Variants in MAP2K2 observed in about 807,000 individuals in gnomAD.
The protein encoded by MAP2K2 is mitogen-activated protein kinase kinase 2.
MAP2K2 carries 24 observed loss-of-function variants against 43.7 expected under a neutral mutation model. The ratio of observed to expected loss-of-function variants is 0.55; its 90% CI spans 0.40 to 0.77. The LOEUF (loss-of-function observed/expected upper bound fraction) is 0.77, where lower values mean the gene tolerates loss of function less well. MAP2K2 is among the 30% of genes least tolerant of loss of function. The pLI, the probability that MAP2K2 is intolerant of heterozygous loss-of-function variation, is 0.00. For synonymous variants in MAP2K2, 244 were observed against 239.7 expected (o/e 1.02, Z -0.17); for missense variants, 470 against 566.8 (o/e 0.83, Z 1.73).
intron 2 of MAP2K2, among the ~76,000 whole-genome samples, chr19:4,112,323 TGCCTGGGGA>T (rs1388274737): frequency 4.6e-5 from 7 of 152,108 alleles, no homozygotes. Context: ...TCAACCCAGG[TGCCTGGGGA>T]GCAGCAACAA....
intron 9 of MAP2K2, chr19:4,095,092 C>A: frequency 2.5e-6 from 1 of 405,182 alleles, no homozygotes; most frequent in Non-Finnish European, 4.6e-6. Flanking sequence ...ACCAGGGGTC[C>A]GGGGACCAGA....
intron 2 of MAP2K2, among the ~76,000 whole-genome samples, chr19:4,112,434 C>T (rs570094623): frequency 5.9e-3 from 904 of 152,342 alleles, no homozygotes; most frequent in Middle Eastern, 0.014. Flanking sequence ...GACAAAGAGC[C>T]GCCTGTCAGC....
At chr19:4,113,152 A>C (rs989555708) in intron 2 of MAP2K2, among the ~76,000 whole-genome samples, 1 of 152,018 alleles carries the variant, frequency 6.6e-6, no homozygotes, top group Admixed American at 6.6e-5. Context: ...AATTTAGGAG[A>C]GGAAGTGGCG....
intron 3 of MAP2K2, among the ~76,000 whole-genome samples, chr19:4,107,403 A>T (rs1047516448): frequency 1.2e-4 from 18 of 151,642 alleles, no homozygotes; most frequent in Non-Finnish European, 2.2e-4. Flanking sequence ...GGGCGCCTGT[A>T]GTCCCAGCTA....
At chr19:4,094,068 A>C (rs2289860) in intron 10 of MAP2K2, among the ~76,000 whole-genome samples, 6,033 of 152,266 alleles carry the variant, frequency 0.04, 146 homozygotes, top group East Asian at 0.12. Context: ...GCCAGTGTGC[A>C]GAACAGGGAT....
intron 2 of MAP2K2, among the ~76,000 whole-genome samples, chr19:4,112,511 A>G (rs2041166567): frequency 6.6e-6 from 1 of 152,206 alleles, no homozygotes; most frequent in African/African-American, 2.4e-5. Flanking sequence ...TGGCCACAGC[A>G]CAGGGCGTGT....
intron 3 of MAP2K2, among the ~76,000 whole-genome samples, chr19:4,107,232 CA>C (rs1038982132): frequency 6.6e-6 from 1 of 151,244 alleles, no homozygotes; most frequent in African/African-American, 2.4e-5. Flanking sequence ...CCCATATCTA[CA>C]AAAAAACTTG....
intron 3 of MAP2K2, among the ~76,000 whole-genome samples, chr19:4,108,098 G>A (rs539194096): frequency 3.9e-5 from 6 of 152,318 alleles, no homozygotes; most frequent in South Asian, 2.1e-4. Flanking sequence ...GGTGAATTCC[G>A]AGAGCATCGT....
chr19:4,094,923 G>T (rs886477561), intron 9 of MAP2K2: 1 of 365,596 alleles, frequency 2.7e-6, no homozygotes, highest in Non-Finnish European at 5.1e-6. Flanking sequence ...GGCCCTGTGG[G>T]CAGCGGGGTG....
rs772139417 is a variant in MAP2K2 at position 4,101,255 on chromosome 19, C to T, written c.554G>A (p.Arg185Gln). Residue 185 changes from arginine (R) to glutamine (Q), a missense_variant, in exon 5 of 11, where the codon CGA (arginine) becomes CAA (glutamine). Transcript: ENST00000262948. The surrounding 1 kb of genome is among the most constrained non-coding windows in gnomAD (Gnocchi z 6.3). Reference protein sequence around the residue: ...IAVLRGLAYLREKHQIMHRDV... With the variant: ...IAVLRGLAYLQEKHQIMHRDV... ...TCGGTGCATGATCTGGTGCTTCTCTCGGAGGTACGCCAAGCCCCGGAGAAC... is the reference window on the plus strand; with the variant it reads ...TCGGTGCATGATCTGGTGCTTCTCTTGGAGGTACGCCAAGCCCCGGAGAAC... 1.1e-5 allele frequency: 17 copies of T among 1,585,544 alleles called. No individual in the cohort carries two copies. The highest frequency in any genetic ancestry group is 1.8e-5 in the Admixed American group (1 of 55,312).
chr19:4,123,617 G>GCACCCCTCGCCCCA lies in MAP2K2; in HGVS notation c.92+166_92+167insTGGGGCGAGGGGTG, dbSNP rs1568266709. 1.2e-3 allele frequency among the ~76,000 whole-genome samples: 35 copies of GCACCCCTCGCCCCA among 28,288 alleles called. 2 individuals are homozygous for GCACCCCTCGCCCCA. Among genetic ancestry groups the GCACCCCTCGCCCCA allele is most frequent in the Middle Eastern group, 0.023 (1 of 44 alleles). The allele number at this position is 28,288 out of a possible 152,430, so 18.6% of individuals were successfully genotyped here. A position where few individuals can be genotyped will look rare whatever the true frequency, so the allele number is the denominator to read the frequency against. On this transcript the variant is annotated intron_variant, in intron 1 of 10. Transcript: ENST00000262948. ...TCCTCCCCCGAGGGTCCCCTGCCCTGTCCTCCCCTCGAGAACCCCCTGCCC... is the reference window on the plus strand; with the variant it reads ...TCCTCCCCCGAGGGTCCCCTGCCCTGCACCCCTCGCCCCATCCTCCCCTCGAGAACCCCCTGCCC...
In MAP2K2 at chr19:4,101,436, G is replaced by A. The variant is rs956356672; in HGVS notation, c.529-156C>T. On this transcript the variant is annotated intron_variant, in intron 4 of 10. Coordinates refer to ENST00000262948, the MANE Select transcript of MAP2K2 (RefSeq NM_030662.4). This position sits in a 1 kb window ranked among gnomAD's most constrained non-coding sequence, Gnocchi z 6.3. ...AGGAGCTCGCTGGGGTGGAGCAAGC[G>A]AGGCCAGAGACGAGACAGTGCTGAC... Among the ~76,000 whole-genome samples, 11 of 152,298 alleles carry A rather than the reference G, an allele frequency of 7.2e-5. No individual in the cohort carries two copies. In the East Asian group the frequency reaches 1.9e-3, roughly 27 times the overall value.
intron 3 of MAP2K2, chr19:4,103,055 C>T: frequency 1.9e-6 from 2 of 1,025,930 alleles, no homozygotes; most frequent in Non-Finnish European, 2.3e-6. Context: ...CTGTCCCTGC[C>T]ACCTAGGGCA....
intron 9 of MAP2K2, chr19:4,094,873 G>A (rs1486273369): frequency 5.0e-6 from 2 of 403,734 alleles, no homozygotes; most frequent in Admixed American, 3.8e-5. Context: ...CCAGGAGTGC[G>A]GTGCCGTTCC....
intron 10 of MAP2K2, 120 bp downstream of exon 10, chr19:4,094,333 C>T: frequency 9.0e-7 from 1 of 1,106,128 alleles, no homozygotes; most frequent in Non-Finnish European, 1.3e-6. Flanking sequence ...ACCCGGCCTG[C>T]CCACATCCTG....
At chr19:4,090,740 G>A in intron 10 of MAP2K2, 32 bp from the exon 11 acceptor site, 2 of 1,449,042 alleles carry the variant, frequency 1.4e-6, no homozygotes, top group Non-Finnish European at 1.9e-6. Flanking sequence ...GAGCACCCGG[G>A]CCTGGAGTCA....
At chr19:4,090,827 C>T in intron 10 of MAP2K2, 119 bp from the exon 11 acceptor site, 1 of 735,146 alleles carries the variant, frequency 1.4e-6, no homozygotes, top group East Asian at 2.7e-5. Flanking sequence ...CAGAGGAGAC[C>T]CTCCCTTCCC....
chr19:4,097,284 T>A lies in MAP2K2; in HGVS notation c.979A>T (p.Asn327Tyr). 6.2e-7 allele frequency: 1 copy of A among 1,610,266 alleles called. No homozygotes were observed. The highest frequency in any genetic ancestry group is 8.5e-7 in the Non-Finnish European group (1 of 1,178,624). Residue 327 changes from asparagine (N) to tyrosine (Y), a missense_variant, in exon 8 of 11, where the codon AAC (asparagine) becomes TAC (tyrosine). Physicochemically the swap from Asn to Tyr is moderately radical, Grantham distance 143 (BLOSUM62 -2). This residue lies in a region of MAP2K2 where 212 missense variants were observed against 220.8 expected (regional missense o/e 0.96). Coordinates refer to ENST00000262948, the MANE Select transcript of MAP2K2 (RefSeq NM_030662.4). ...AIFELLDYIV[N>Y]EPPPKLPNGV... The stretch of plus-strand genomic sequence containing the variant: ...AAAAGGCATCAAGCACAAACCTCGT[T>A]CACAATATAGTCCAGGAGTTCAAAG...
intron 2 of MAP2K2, among the ~76,000 whole-genome samples, chr19:4,117,215 T>G (rs2041232198): frequency 6.6e-6 from 1 of 152,106 alleles, no homozygotes; most frequent in Non-Finnish European, 1.5e-5. Context: ...AGGGCACAGC[T>G]GTGTGTGGCT....
Sources: gnomAD v4.1 joint callset for allele counts (sites outside exome capture counted in the v4.1 genomes callset) on GRCh38, gnomAD v4.1.1 for gene constraint, gnomAD v4.1.1 regional missense constraint, Gnocchi (gnomAD v3.1) non-coding constraint, MANE v1.5 for transcripts, NCBI Gene and HGNC (gene_info 2026-07-23, HGNC 2026-07-21) for gene names.